The following ZNF516 variants were observed in gnomAD, a reference collection of about 807,000 sequenced individuals.
ZNF516 encodes the protein zinc finger protein 516.
ZNF516 carries 19 observed loss-of-function variants against 79.7 expected under a neutral mutation model. The observed-to-expected ratio is 0.24, with a 90% CI of 0.17 to 0.35. The LOEUF (loss-of-function observed/expected upper bound fraction) is 0.35. Among genes scored for constraint, ZNF516 ranks in the 10% least tolerant of loss-of-function variants. ZNF516 has a pLI of 1.00. For synonymous variants in ZNF516, 877 were observed against 739.5 expected (o/e 1.19, Z -3.02); for missense variants, 1,678 against 1,679.5 (o/e 1.00, Z 0.02).
intron 3 of ZNF516, among the ~76,000 whole-genome samples, chr18:76,412,327 G>T (rs550075531): frequency 6.6e-6 from 1 of 152,236 alleles, no homozygotes; most frequent in African/African-American, 2.4e-5. Context: ...CACCCAAAGG[G>T]ACGGCCTGAA....
chr18:76,495,026 C>T (rs1341366637), intron 1 of ZNF516, 118 bp downstream of exon 1: 5 of 150,360 alleles, frequency 3.3e-5, no homozygotes, highest in African/African-American at 1.2e-4. Flanking sequence ...CCAGCGCCTC[C>T]CCCCCTACCC....
chr18:76,429,548 C>T (rs191076175), intron 3 of ZNF516, among the ~76,000 whole-genome samples: 1 of 152,116 alleles, frequency 6.6e-6, no homozygotes, highest in African/African-American at 2.4e-5. Flanking sequence ...CCAAGGCCAG[C>T]AGTGCACAAA....
In ZNF516 at chr18:76,360,209, C is replaced by T. The variant is rs2074510142; in HGVS notation, c.*2289G>A. ...CTCACCAGCAAGACACTTCCAGCTC[C>T]AAAGGCCAACTGCACTTTTCCATGC... On this transcript the variant is annotated 3_prime_UTR_variant, in exon 7 of 7. Coordinates refer to ENST00000443185, the MANE Select transcript of ZNF516 (RefSeq NM_014643.4). The T allele has an allele frequency of 6.6e-6, 1 of 152,292 alleles. No homozygotes were observed. The highest frequency in any genetic ancestry group is 1.5e-5 in the Non-Finnish European group (1 of 68,068). The allele number at this position is 152,292 out of a possible 1,614,324, so 9.4% of individuals were successfully genotyped here.
At chr18:76,367,495 C>T (rs11661850) in intron 6 of ZNF516, among the ~76,000 whole-genome samples, 6,664 of 152,296 alleles carry the variant, frequency 0.044, 198 homozygotes, top group Middle Eastern at 0.099. Context: ...ACCCCAGGCC[C>T]GAGCCTCTGC....
chr18:76,423,551 A>G (rs1355424485), intron 3 of ZNF516, among the ~76,000 whole-genome samples: 2 of 151,054 alleles, frequency 1.3e-5, no homozygotes, highest in Non-Finnish European at 3.0e-5. Flanking sequence ...TCCCCGAAAC[A>G]CACGCAGGTG....
At position 76,360,855 on chromosome 18, in the gene ZNF516, A is replaced by G. The variant is rs566825248; in HGVS notation, c.*1643T>C. 5.3e-5 allele frequency: 8 copies of G among 149,950 alleles called. No homozygotes were observed. The East Asian group carries it at 1.4e-3, about 25-fold the overall frequency. The allele number at this position is 149,950 out of a possible 1,614,324, so 9.3% of individuals were successfully genotyped here. On this transcript the variant is annotated 3_prime_UTR_variant, in exon 7 of 7. Transcript: ENST00000443185. ...ATTCAACAAATCATTAGAACAGGAA[A>G]CCCACACTTTAGGGTGTGTGTGTGT... is the stretch of plus-strand genomic sequence containing the variant.
At chr18:76,391,197 T>TA (rs2075068774) in intron 3 of ZNF516, among the ~76,000 whole-genome samples, 1 of 152,060 alleles carries the variant, frequency 6.6e-6, no homozygotes, top group African/African-American at 2.4e-5. Context: ...GGAAACACGC[T>TA]ACAGGGTGAG....
At position 76,442,194 on chromosome 18, in the gene ZNF516, C is replaced by T. The variant is rs1489995216; in HGVS notation, c.861G>A (p.Glu287=). The T allele has an allele frequency of 4.3e-6, 7 of 1,613,858 alleles. No individual in the cohort carries two copies. Among genetic ancestry groups the T allele is most frequent in the Non-Finnish European group, 5.9e-6 (7 of 1,179,878 alleles). Residue 287 remains glutamate, a synonymous_variant, in exon 3 of 7, where the codon GAG becomes GAA. Coordinates refer to ENST00000443185, the MANE Select transcript of ZNF516 (RefSeq NM_014643.4). ...GCHICGRRFK[E]PWFLKNHMKA... ...TCATGTGGTTCTTGAGGAACCAGGGCTCCTTGAACCTACGGCCGCAGATGT... is the reference window on the plus strand; with the variant it reads ...TCATGTGGTTCTTGAGGAACCAGGGTTCCTTGAACCTACGGCCGCAGATGT...
intron 3 of ZNF516, among the ~76,000 whole-genome samples, chr18:76,429,335 G>C (rs867594551): frequency 6.6e-6 from 1 of 152,222 alleles, no homozygotes; most frequent in Non-Finnish European, 1.5e-5. Flanking sequence ...CCTTGGGACA[G>C]ATAAAAGACA....
intron 1 of ZNF516, among the ~76,000 whole-genome samples, chr18:76,465,969 C>CCTT (rs1324118882): frequency 6.6e-6 from 1 of 152,172 alleles, no homozygotes; most frequent in Non-Finnish European, 1.5e-5. Context: ...GCGCCCAAAC[C>CCTT]CTTCTGTTCA....
At chr18:76,458,498 T>C (rs1004558823) in intron 2 of ZNF516, among the ~76,000 whole-genome samples, 4 of 152,212 alleles carry the variant, frequency 2.6e-5, no homozygotes, top group Non-Finnish European at 5.9e-5. Context: ...CCAACACAGA[T>C]GTTTCGGGGG....
chr18:76,491,778 A>T (rs1360409999), intron 1 of ZNF516: 2 of 123,160 alleles, frequency 1.6e-5, no homozygotes, highest in Non-Finnish European at 3.4e-5. Context: ...CAGGTCCCCC[A>T]GTAGCGCCCC....
At chr18:76,480,059 C>A (rs1396453360) in intron 1 of ZNF516, among the ~76,000 whole-genome samples, 1 of 148,626 alleles carries the variant, frequency 6.7e-6, no homozygotes, top group Non-Finnish European at 1.5e-5. Flanking sequence ...GGCGGGGCGC[C>A]CCTAGAGCTA....
rs2075819572 is a variant in ZNF516 at position 76,441,439 on chromosome 18, C to T, written c.1616G>A (p.Arg539His). 9.3e-6 allele frequency: 15 copies of T among 1,606,614 alleles called. No homozygotes were observed. The highest frequency in any genetic ancestry group is 1.3e-5 in the Non-Finnish European group (15 of 1,177,800). The change falls in exon 3 of 7, where the codon CGC (arginine) becomes CAC (histidine). Residue 539 changes from arginine to histidine, a missense_variant. Coordinates refer to ENST00000443185, the MANE Select transcript of ZNF516 (RefSeq NM_014643.4). ...GTCACTGTCCCTCTCGCGGCGCGCG[C>T]GGCGATGCACGCGTGAGTGCAGCAC... ...QMVLHSRVHRRARRERDSDGD... is the reference protein window; with the variant it reads ...QMVLHSRVHRHARRERDSDGD...
intron 2 of ZNF516, among the ~76,000 whole-genome samples, chr18:76,449,560 C>A (rs543659307): frequency 4.3e-4 from 66 of 152,328 alleles, no homozygotes; most frequent in African/African-American, 1.6e-3. Context: ...AGTGTCTTAG[C>A]CTCTCTATTC....
At chr18:76,427,072 TGA>T (rs1456285193) in intron 3 of ZNF516, among the ~76,000 whole-genome samples, 8 of 152,210 alleles carry the variant, frequency 5.3e-5, no homozygotes, top group Non-Finnish European at 1.2e-4. Context: ...GACAAGAGCC[TGA>T]GAGAGAGAAC....
In ZNF516 at chr18:76,416,608, T is replaced by C. The variant is rs1243882309; in HGVS notation, c.1810+24637A>G. On this transcript the variant is annotated intron_variant, in intron 3 of 6. Coordinates refer to ENST00000443185, the MANE Select transcript of ZNF516 (RefSeq NM_014643.4). ...TCAAGAGCCAGAAACCAATAGTTCC[T>C]AGTTTAGAATTCATCAGAAACATCT... Among the ~76,000 whole-genome samples, 6 of 152,352 alleles carry C rather than the reference T, an allele frequency of 3.9e-5. No individual in the cohort carries two copies. The South Asian group carries it at 1.2e-3, about 32-fold the overall frequency.
chr18:76,459,014 G>C lies in ZNF516; in HGVS notation c.-158+4014C>G, dbSNP rs527622660. The stretch of plus-strand genomic sequence containing the variant: ...CCCGAGGGTGTGTGTGTGTGTCTGA[G>C]AGAGCACATGTGTGTGATCTCTTAA... On this transcript the variant is annotated intron_variant, in intron 2 of 6. Coordinates refer to ENST00000443185, the MANE Select transcript of ZNF516 (RefSeq NM_014643.4). The surrounding 1 kb of genome is among the most constrained non-coding windows in gnomAD (Gnocchi z 5.0). 7.9e-5 allele frequency among the ~76,000 whole-genome samples: 12 copies of C among 152,326 alleles called. No individual in the cohort carries two copies. The highest frequency in any genetic ancestry group is 1.5e-4 in the Non-Finnish European group (10 of 68,022).
At chr18:76,377,712 G>GTTCTTTT (rs1344595134) in intron 4 of ZNF516, among the ~76,000 whole-genome samples, 1 of 134,780 alleles carries the variant, frequency 7.4e-6, no homozygotes, top group Admixed American at 7.5e-5. Context: ...GGCTTACAAC[G>GTTCTTTT]TTATTTTTTT....
Sources: allele counts gnomAD v4.1 joint callset (sites outside exome capture counted in the v4.1 genomes callset), GRCh38; gene constraint gnomAD v4.1.1; non-coding constraint Gnocchi (gnomAD v3.1); transcripts MANE v1.5; gene names NCBI Gene and HGNC (gene_info 2026-07-23, HGNC 2026-07-21).